RFNG: variants seen among roughly 807,000 people sequenced by gnomAD.
RFNG encodes the protein RFNG O-fucosylpeptide 3-beta-N-acetylglucosaminyltransferase, also known as beta-1,3-N-acetylglucosaminyltransferase radical fringe.
In RFNG, 37 loss-of-function variants were observed where a neutral mutation model predicts 29.6. The ratio of observed to expected loss-of-function variants is 1.25; its 90% CI spans 0.96 to 1.65. The LOEUF (loss-of-function observed/expected upper bound fraction) is 1.65. Among genes scored for constraint, RFNG ranks in the 40% most tolerant of loss-of-function variants. The probability of loss-of-function intolerance (pLI) is 0.00; values close to 1 mark genes in which losing one functional copy is unlikely to be tolerated. For synonymous variants in RFNG, 276 were observed against 197.3 expected (o/e 1.40, Z -3.34); for missense variants, 546 against 457.0 (o/e 1.19, Z -1.78).
rs1372480558 is a variant in RFNG, at chr17:82,051,582, A to G, written c.185T>C (p.Ile62Thr). 1.5e-6 allele frequency: 2 copies of G among 1,334,514 alleles called. No individual in the cohort carries two copies. The highest frequency in any genetic ancestry group is 1.9e-6 in the Non-Finnish European group (2 of 1,039,388). The allele number at this position is 1,334,514 out of a possible 1,614,324, so 82.7% of individuals were successfully genotyped here. ...APSLRPDDVF[I>T]AVKTTRKNHG... is the part of the protein sequence containing the mutation. The stretch of plus-strand genomic sequence containing the variant: ...GTTCTTCCGGGTGGTCTTGACGGCG[A>G]TGAAGACGTCGTCAGGCCGCAGGCT... The change falls in exon 1 of 8, where the codon ATC (isoleucine) becomes ACC (threonine). Residue 62 changes from isoleucine to threonine, a missense_variant. Transcript: ENST00000310496. The surrounding 1 kb of genome is among the most constrained non-coding windows in gnomAD (Gnocchi z 4.1).
At chr17:82,048,931 G>A (rs1024538484) in intron 7 of RFNG, 100 bp downstream of exon 7, 24 of 1,450,042 alleles carry the variant, frequency 1.7e-5, no homozygotes, top group South Asian at 6.9e-5. Flanking sequence ...GGTCAGGGCC[G>A]TGGGCGGAGG....
At chr17:82,050,810 G>C (rs2030414892) in intron 2 of RFNG, 46 bp from the exon 3 acceptor site, 2 of 1,586,012 alleles carry the variant, frequency 1.3e-6, no homozygotes, top group Non-Finnish European at 1.7e-6. Flanking sequence ...ATGGCACTGG[G>C]GTTGGGGTAA....
chr17:82,048,916 G>C (rs1427188952), intron 7 of RFNG, 109 bp from the exon 8 acceptor site: 1 of 1,423,414 alleles, frequency 7.0e-7, no homozygotes, highest in Non-Finnish European at 9.8e-7. Flanking sequence ...ACAGGGAGAA[G>C]CCGGGGTCAG....
At position 82,051,299 on chromosome 17, in the gene RFNG, T is replaced by C; in HGVS notation, c.311A>G (p.Gln104Arg). ...GGGGAGTGGGGGACACTCACCGCCCTGGAGCTCGAGCTCAGGGTCGTCCCC... is the reference window on the plus strand; with the variant it reads ...GGGGAGTGGGGGACACTCACCGCCCCGGAGCTCGAGCTCAGGGTCGTCCCC... Reference protein sequence around the residue: ...TDGDDPELELQGGDRVINTNC... With the variant: ...TDGDDPELELRGGDRVINTNC... The change falls in exon 2 of 8, where the codon CAG (glutamine) becomes CGG (arginine). Residue 104 changes from glutamine (Q) to arginine (R), a missense_variant. Physicochemically the swap from Gln to Arg is conservative, Grantham distance 43. Coordinates refer to ENST00000310496, the MANE Select transcript of RFNG (RefSeq NM_002917.2). This position sits in a 1 kb window ranked among gnomAD's most constrained non-coding sequence, Gnocchi z 4.1. 6 of 1,418,400 alleles carry C rather than the reference T, an allele frequency of 4.2e-6. No homozygotes were observed. The highest frequency in any genetic ancestry group is 1.9e-4 in the Middle Eastern group (1 of 5,320). 87.9% of individuals were successfully genotyped at this position (1,418,400 alleles called of 1,614,324 possible). A position where few individuals can be genotyped will look rare whatever the true frequency, so the allele number is the denominator to read the frequency against.
chr17:82,051,504 T>C lies in RFNG; in HGVS notation c.263A>G (p.Gln88Arg). The change falls in exon 1 of 8, where the codon CAG (glutamine) becomes CGG (arginine). Residue 88 changes from glutamine to arginine, a missense_variant. Coordinates refer to ENST00000310496, the MANE Select transcript of RFNG (RefSeq NM_002917.2). This position sits in a 1 kb window ranked among gnomAD's most constrained non-coding sequence, Gnocchi z 4.1. ...LLRTWISRAR[Q>R]QTFIFTDGDD... ...CGGGGTCGGGGTCCGGCGCACCTGC[T>C]GGCGGGCCCGGGAGATCCAGGTGCG... The C allele has an allele frequency of 7.2e-7, 1 of 1,382,232 alleles. No homozygotes were observed. Among genetic ancestry groups the C allele is most frequent in the Non-Finnish European group, 9.4e-7 (1 of 1,064,252 alleles). 85.6% of individuals were successfully genotyped at this position (1,382,232 alleles called of 1,614,324 possible).
At position 82,050,725 on chromosome 17, in the gene RFNG, G is replaced by A. The variant is rs1464499396; in HGVS notation, c.356C>T (p.Thr119Ile). The A allele has an allele frequency of 8.1e-6, 13 of 1,613,110 alleles. No homozygotes were observed. Among genetic ancestry groups the A allele is most frequent in the Non-Finnish European group, 1.0e-5 (12 of 1,179,970 alleles). Residue 119 changes from threonine to isoleucine, a missense_variant, in exon 3 of 8, where the codon ACT (threonine) becomes ATT (isoleucine). Thr to Ile is a moderately conservative substitution (Grantham distance 89). Transcript: ENST00000310496. Reference sequence around the variant, plus strand: ...CATCTTGCAGCAGAGGGCCTGACGAGTGCGCACCGCCGAGCAGTTGGTGTT... The same window carrying A: ...CATCTTGCAGCAGAGGGCCTGACGAATGCGCACCGCCGAGCAGTTGGTGTT... ...VINTNCSAVR[T>I]RQALCCKMSV... is the part of the protein sequence containing the mutation.
Position 82,050,425 on chromosome 17 carries a change from C to G in RFNG, c.550G>C (p.Glu184Gln), listed in dbSNP as rs370119266. ...PSLDHPIEAT[E>Q]RVQGGRTVTT... ...ACAGTTCTGCCACCCTGGACCCTCTCGGTGGCCTCAATGGGGTGGTCCAGG... is the reference window on the plus strand; with the variant it reads ...ACAGTTCTGCCACCCTGGACCCTCTGGGTGGCCTCAATGGGGTGGTCCAGG... The change falls in exon 4 of 8, where the codon GAG becomes CAG. Residue 184 changes from glutamate (E) to glutamine (Q), a missense_variant. Coordinates refer to ENST00000310496, the MANE Select transcript of RFNG (RefSeq NM_002917.2). 6.2e-7 allele frequency: 1 copy of G among 1,600,052 alleles called. No homozygotes were observed. The highest frequency in any genetic ancestry group is 1.8e-5 in the Admixed American group (1 of 56,496).
chr17:82,050,450 G>C lies in RFNG; in HGVS notation c.525C>G (p.Ser175Arg), dbSNP rs112436072. 1 of 1,612,232 alleles carries C rather than the reference G, an allele frequency of 6.2e-7. No homozygotes were observed. Residue 175 changes from serine to arginine, a missense_variant, in exon 4 of 8, where the codon AGC becomes AGG. By Grantham distance (110) the Ser-to-Arg change is moderately radical (BLOSUM62 -1). Coordinates refer to ENST00000310496, the MANE Select transcript of RFNG (RefSeq NM_002917.2). ...CGGTGGCCTCAATGGGGTGGTCCAG[G>C]CTGGGCCGCCCCAGGTAGACGTCCT... ...PSQDVYLGRP[S>R]LDHPIEATER... is the part of the protein sequence containing the mutation.
At chr17:82,049,283 G>C (rs764197747) in intron 6 of RFNG, 167 bp from the exon 7 acceptor site, 1 of 713,422 alleles carries the variant, frequency 1.4e-6, no homozygotes, top group Admixed American at 2.0e-5. Context: ...GCTGAGTAGG[G>C]GGACACCTCA....
chr17:82,049,655 G>T, intron 6 of RFNG, 22 bp downstream of exon 6: 3 of 1,460,324 alleles, frequency 2.1e-6, no homozygotes, highest in Non-Finnish European at 2.7e-6. Context: ...GGTGGCAGAG[G>T]CACCCAGAGT....
Position 82,051,007 on chromosome 17 carries a change from C to G in RFNG, c.317-243G>C, listed in dbSNP as rs185803460. 9.9e-6 allele frequency: 14 copies of G among 1,409,924 alleles called. No homozygotes were observed. The Admixed American group carries it at 4.0e-4, about 40-fold the overall frequency. The allele number at this position is 1,409,924 out of a possible 1,614,324, so 87.3% of individuals were successfully genotyped here. On this transcript the variant is annotated intron_variant, in intron 2 of 7. Coordinates refer to ENST00000310496, the MANE Select transcript of RFNG (RefSeq NM_002917.2). This position sits in a 1 kb window ranked among gnomAD's most constrained non-coding sequence, Gnocchi z 4.1. ...GGAAACAGGACGGAGGCAGCTCGCC[C>G]TGACCTGGCCTGGAAGGGCGGATTC...
Position 82,050,389 on chromosome 17 carries a change from C to G in RFNG, c.573+13G>C, listed in dbSNP as rs1382170227. The G allele has an allele frequency of 1.9e-6, 3 of 1,561,676 alleles. No homozygotes were observed. In the East Asian group the frequency reaches 6.7e-5, roughly 35 times the overall value. On this transcript the variant is annotated intron_variant, in intron 4 of 7. Coordinates refer to ENST00000310496, the MANE Select transcript of RFNG (RefSeq NM_002917.2). ...AAGGCGTCTGCTCCGATGGCGTCTGCTCCGACACTCACAGTTCTGCCACCC... is the reference window on the plus strand; with the variant it reads ...AAGGCGTCTGCTCCGATGGCGTCTGGTCCGACACTCACAGTTCTGCCACCC...
chr17:82,047,938 C>G lies in RFNG; in HGVS notation c.*788G>C, dbSNP rs192738813. The G allele has an allele frequency of 1.3e-5, 2 of 152,392 alleles. No homozygotes were observed. The highest frequency in any genetic ancestry group is 2.9e-5 in the Non-Finnish European group (2 of 68,088). 9.4% of individuals were successfully genotyped at this position (152,392 alleles called of 1,614,324 possible). ...CAAAAGCTTTACTCGTGCTCGGCAA[C>G]AGCAAAGCAGGAGGCAGAGGGGAGA... is the stretch of plus-strand genomic sequence containing the variant. On this transcript the variant is annotated 3_prime_UTR_variant, in exon 8 of 8. Coordinates refer to ENST00000310496, the MANE Select transcript of RFNG (RefSeq NM_002917.2).
chr17:82,049,907 C>A lies in RFNG; in HGVS notation c.662+11G>T, dbSNP rs770415201. ...CCGCCTCCCAGCCCGGGCAGCTGGA[C>A]CCCCACTCACCTGGCCCATGGGCTC... On this transcript the variant is annotated intron_variant, in intron 5 of 7. Coordinates refer to ENST00000310496, the MANE Select transcript of RFNG (RefSeq NM_002917.2). 1 of 1,611,704 alleles carries A rather than the reference C, an allele frequency of 6.2e-7. No homozygotes were observed. The highest frequency in any genetic ancestry group is 1.1e-5 in the South Asian group (1 of 90,840).
rs945168430 is a variant in RFNG, at chr17:82,051,486, G to C, written c.267+14C>G. Reference sequence around the variant, plus strand: ...GGGCGTGGGGCTCGCCGTCGGGGTCGGGGTCCGGCGCACCTGCTGGCGGGC... The same window carrying C: ...GGGCGTGGGGCTCGCCGTCGGGGTCCGGGTCCGGCGCACCTGCTGGCGGGC... On this transcript the variant is annotated intron_variant, in intron 1 of 7. Transcript: ENST00000310496. The surrounding 1 kb of genome is among the most constrained non-coding windows in gnomAD (Gnocchi z 4.1). 4 of 1,365,262 alleles carry C rather than the reference G, an allele frequency of 2.9e-6. No individual in the cohort carries two copies. Among genetic ancestry groups the C allele is most frequent in the Non-Finnish European group, 3.8e-6 (4 of 1,056,988 alleles). 84.6% of individuals were successfully genotyped at this position (1,365,262 alleles called of 1,614,324 possible). A position where few individuals can be genotyped will look rare whatever the true frequency, so the allele number is the denominator to read the frequency against.
At chr17:82,050,058 G>C in intron 4 of RFNG, 52 bp from the exon 5 acceptor site, 1 of 1,441,218 alleles carries the variant, frequency 6.9e-7, no homozygotes, top group Non-Finnish European at 9.6e-7. Flanking sequence ...TCTCACCCCT[G>C]ACTCTTCATG....
At position 82,049,037 on chromosome 17, in the gene RFNG, G is replaced by A. The variant is rs997941687; in HGVS notation, c.908C>T (p.Pro303Leu). Residue 303 changes from proline (P) to leucine (L), a missense_variant, in exon 7 of 8, where the codon CCC (proline) becomes CTC (leucine). By Grantham distance (98) the Pro-to-Leu change is moderately conservative (BLOSUM62 -3). Transcript: ENST00000310496. ...CATGCCACTACCTACTCACCGTGTG[G>A]GGTCTTGATGCAGGCTGAAGCCTCC... Reference protein sequence around the residue: ...VAGGFSLHQDPTRFKSIHCLL... With the variant: ...VAGGFSLHQDLTRFKSIHCLL... 3.1e-6 allele frequency: 5 copies of A among 1,613,268 alleles called. No homozygotes were observed. The highest frequency in any genetic ancestry group is 1.3e-5 in the African/African-American group (1 of 74,920).
chr17:82,049,173 T>C (rs777935314), intron 6 of RFNG, 57 bp from the exon 7 acceptor site: 1 of 1,451,470 alleles, frequency 6.9e-7, no homozygotes, highest in Non-Finnish European at 9.5e-7. Flanking sequence ...GGGCCACGCC[T>C]GCCCCTGGCC....
In RFNG at chr17:82,050,505, A is replaced by G; in HGVS notation, c.470T>C (p.Leu157Pro). The part of the protein sequence containing the change: ...DDNYVNARSL[L>P]HLLSSFSPSQ... ...GGGTGAGAAGCTGGAGAGCAGGTGCAGGAGGCTCCTGGCGTTCACATAATT... is the reference window on the plus strand; with the variant it reads ...GGGTGAGAAGCTGGAGAGCAGGTGCGGGAGGCTCCTGGCGTTCACATAATT... Residue 157 changes from leucine to proline, a missense_variant, in exon 4 of 8, where the codon CTG becomes CCG. By Grantham distance (98) the Leu-to-Pro change is moderately conservative (BLOSUM62 -3). Coordinates refer to ENST00000310496, the MANE Select transcript of RFNG (RefSeq NM_002917.2). 1.9e-6 allele frequency: 3 copies of G among 1,613,002 alleles called. No individual in the cohort carries two copies. Among genetic ancestry groups the G allele is most frequent in the African/African-American group, 1.3e-5 (1 of 75,022 alleles).
Sources: allele counts gnomAD v4.1 joint callset, GRCh38; gene constraint gnomAD v4.1.1; non-coding constraint Gnocchi (gnomAD v3.1); transcripts MANE v1.5; gene names NCBI Gene and HGNC (gene_info 2026-07-23, HGNC 2026-07-21).